The following CCDC12 variants were observed in gnomAD, a reference collection of about 807,000 sequenced individuals.
CCDC12 encodes the protein coiled-coil domain-containing protein 12.
Under a neutral mutation model 25.7 loss-of-function variants are expected in CCDC12, and 28 were observed. That is an observed-to-expected ratio of 1.09 (90% CI 0.81 to 1.50). The LOEUF is 1.50. Ranked by LOEUF, CCDC12 falls within the 40% of genes most tolerant of loss-of-function variation. The pLI, the probability that CCDC12 is intolerant of heterozygous loss-of-function variation, is 0.00. For synonymous variants in CCDC12, 75 were observed against 87.7 expected (o/e 0.86, Z 0.81); for missense variants, 198 against 210.0 (o/e 0.94, Z 0.35).
chr3:46,951,648 C>T (rs1312849904), intron 1 of CCDC12, among the ~76,000 whole-genome samples: 7 of 148,360 alleles, frequency 4.7e-5, no homozygotes, highest in Middle Eastern at 3.3e-3. Flanking sequence ...GGCGTGGTGG[C>T]GGGCACCTGC....
intron 2 of CCDC12, among the ~76,000 whole-genome samples, chr3:46,931,099 G>A (rs2033193623): frequency 6.6e-6 from 1 of 152,240 alleles, no homozygotes; most frequent in African/African-American, 2.4e-5. Context: ...GTGCCCAGCA[G>A]AGAGGGCAGG....
At chr3:46,948,502 G>A (rs1413630955) in intron 1 of CCDC12, among the ~76,000 whole-genome samples, 1 of 152,212 alleles carries the variant, frequency 6.6e-6, no homozygotes, top group Non-Finnish European at 1.5e-5. Context: ...CTCACTGGGG[G>A]AAGGAAGGCG....
chr3:46,976,966 A>AAAG, upstream of CCDC12: 1 of 593,880 alleles, frequency 1.7e-6, no homozygotes, highest in Non-Finnish European at 2.8e-6. Context: ...GCAAAAAAAA[A>AAAG]AAAGAAAAAA....
intron 1 of CCDC12, among the ~76,000 whole-genome samples, chr3:46,963,609 C>A (rs1168801999): frequency 6.6e-6 from 1 of 152,258 alleles, no homozygotes; most frequent in East Asian, 1.9e-4. Flanking sequence ...GCGCGCGCCG[C>A]CACACCTGAC....
intron 1 of CCDC12, among the ~76,000 whole-genome samples, chr3:46,973,935 C>T (rs139733529): frequency 1.3e-4 from 20 of 152,228 alleles, no homozygotes; most frequent in South Asian, 4.1e-4. Context: ...TTTATAGCAG[C>T]GTTATTCACA....
At chr3:46,960,122 A>G (rs1038581891) in intron 1 of CCDC12, among the ~76,000 whole-genome samples, 3 of 152,106 alleles carry the variant, frequency 2.0e-5, no homozygotes, top group African/African-American at 7.2e-5. Context: ...GGCAGTATAC[A>G]GTATTATACC....
intron 1 of CCDC12, among the ~76,000 whole-genome samples, chr3:46,951,798 A>AAAAAAAAAAAAAAAAATATATATATAT: frequency 1.2e-4 from 1 of 8,464 alleles, no homozygotes; most frequent in Non-Finnish European, 2.8e-4. Flanking sequence ...AAAAAAAAAA[A>AAAAAAAAAAAAAAAAATATATATATAT]ATATATATAT....
At chr3:46,936,839 G>A (rs1214178733) in intron 2 of CCDC12, among the ~76,000 whole-genome samples, 2 of 152,244 alleles carry the variant, frequency 1.3e-5, no homozygotes, top group African/African-American at 4.8e-5. Context: ...CCTGCTCTCT[G>A]CCAGCTAATG....
intron 1 of CCDC12, among the ~76,000 whole-genome samples, chr3:46,944,609 C>T (rs904498442): frequency 2.0e-5 from 3 of 152,050 alleles, no homozygotes; most frequent in Non-Finnish European, 4.4e-5. Context: ...CTTCCCAATC[C>T]CTAGTCTCGT....
In CCDC12 at chr3:46,921,842, C is replaced by A. The variant is rs897680987; in HGVS notation, c.*215G>T. ...TCCACATGTGCAGACACAGGCACGC[C>A]CAGAGTTGTTGCTGGTTCTGCCTCC... On this transcript the variant is annotated 3_prime_UTR_variant, in exon 7 of 7. Transcript: ENST00000683445. 8.3e-6 allele frequency: 5 copies of A among 598,898 alleles called. No homozygotes were observed. The highest frequency in any genetic ancestry group is 5.9e-5 in the Admixed American group (2 of 33,634). The allele number at this position is 598,898 out of a possible 1,614,324, so 37.1% of individuals were successfully genotyped here.
chr3:46,963,882 T>A (rs537347046), intron 1 of CCDC12, among the ~76,000 whole-genome samples: 1 of 152,216 alleles, frequency 6.6e-6, no homozygotes. Context: ...CGCCACCCCA[T>A]CTGGGAAGTG....
chr3:46,929,525 C>CT (rs377180695), intron 2 of CCDC12, among the ~76,000 whole-genome samples: 94 of 152,302 alleles, frequency 6.2e-4, no homozygotes, highest in African/African-American at 2.2e-3. Flanking sequence ...CCAGGAAATA[C>CT]TGAAGCAGCC....
At chr3:46,972,783 A>AAG (rs1553652339) in intron 1 of CCDC12, among the ~76,000 whole-genome samples, 5 of 151,190 alleles carry the variant, frequency 3.3e-5, no homozygotes, top group South Asian at 4.2e-4. Flanking sequence ...TAAAAAAAAA[A>AAG]AAAGAAAGAA....
intron 1 of CCDC12, chr3:46,976,235 G>C: frequency 1.1e-6 from 1 of 874,356 alleles, no homozygotes; most frequent in Non-Finnish European, 1.4e-6. Context: ...GGACTGGGGA[G>C]TCTGTCTGAC....
rs527880881 is a variant in CCDC12, at chr3:46,924,855, A to C, written c.244+601T>G. 72 of 155,736 alleles carry C rather than the reference A, an allele frequency of 4.6e-4. 1 individual carries two copies. The highest frequency in any genetic ancestry group is 9.0e-4 in the Non-Finnish European group (63 of 69,832). The allele number at this position is 155,736 out of a possible 1,614,324, so 9.6% of individuals were successfully genotyped here. A position where few individuals can be genotyped will look rare whatever the true frequency, so the allele number is the denominator to read the frequency against. ...TAAAATAAAATAAATAACAAACATA[A>C]AGAATTAAAATGGGGACCCTCCAGG... is the stretch of plus-strand genomic sequence containing the variant. On this transcript the variant is annotated intron_variant, in intron 3 of 6. Coordinates refer to ENST00000683445, the MANE Select transcript of CCDC12 (RefSeq NM_001277074.2).
At chr3:46,940,595 G>C (rs1166113737) in intron 2 of CCDC12, 1 of 181,036 alleles carries the variant, frequency 5.5e-6, no homozygotes, top group Non-Finnish European at 1.2e-5. Context: ...CGACCACAAA[G>C]GGCTCTGGCT....
chr3:46,957,773 C>T (rs2034338009), intron 1 of CCDC12, among the ~76,000 whole-genome samples: 1 of 151,946 alleles, frequency 6.6e-6, no homozygotes, highest in Non-Finnish European at 1.5e-5. Flanking sequence ...GAAACACTGT[C>T]TCTACTAAAA....
At chr3:46,940,295 G>C (rs1416899521) in intron 2 of CCDC12, among the ~76,000 whole-genome samples, 1 of 152,180 alleles carries the variant, frequency 6.6e-6, no homozygotes, top group African/African-American at 2.4e-5. Flanking sequence ...TGCGGGGGAA[G>C]ACCTTGTGCC....
intron 1 of CCDC12, among the ~76,000 whole-genome samples, chr3:46,968,355 C>CA (rs1553651761): frequency 7.9e-5 from 12 of 152,250 alleles, no homozygotes; most frequent in African/African-American, 2.4e-4. Flanking sequence ...CCACTGGAAC[C>CA]GGGCCAGTTC....
Sources: gnomAD v4.1 joint callset for allele counts (sites outside exome capture counted in the v4.1 genomes callset) on GRCh38, gnomAD v4.1.1 for gene constraint, MANE v1.5 for transcripts, NCBI Gene and HGNC (gene_info 2026-07-23, HGNC 2026-07-21) for gene names.